The following ARMH3 variants were observed in gnomAD, a reference collection of about 807,000 sequenced individuals.
The protein encoded by ARMH3 is armadillo like helical domain containing 3.
In ARMH3, 60 loss-of-function variants were observed where a neutral mutation model predicts 99.1. The observed-to-expected ratio is 0.61, with a 90% CI of 0.49 to 0.75. The LOEUF (loss-of-function observed/expected upper bound fraction) is 0.75, where lower values mean the gene tolerates loss of function less well. ARMH3 is among the 30% of genes least tolerant of loss of function. ARMH3 has a pLI of 0.00. For synonymous variants in ARMH3, 285 were observed against 292.8 expected (o/e 0.97, Z 0.27); for missense variants, 679 against 843.1 (o/e 0.81, Z 2.41).
intron 16 of ARMH3, 150 bp from the exon 17 acceptor site, chr10:101,993,753 A>C: frequency 4.0e-6 from 2 of 494,004 alleles, no homozygotes; most frequent in Non-Finnish European, 7.1e-6. Flanking sequence ...CTTATGTCAA[A>C]CCCTACTTAA....
chr10:102,024,813 T>C (rs1211211148), intron 6 of ARMH3, among the ~76,000 whole-genome samples: 1 of 149,496 alleles, frequency 6.7e-6, no homozygotes, highest in Non-Finnish European at 1.5e-5. Context: ...AGCAAGACTC[T>C]GTCTCAAAAA....
intron 20 of ARMH3, among the ~76,000 whole-genome samples, chr10:101,960,931 C>T (rs1261211539): frequency 6.6e-6 from 1 of 150,704 alleles, no homozygotes; most frequent in African/African-American, 2.4e-5. Context: ...AATAAAGGTG[C>T]GAGATCAAGC....
intron 15 of ARMH3, among the ~76,000 whole-genome samples, chr10:101,999,827 G>A (rs2066308514): frequency 6.6e-6 from 1 of 152,160 alleles, no homozygotes; most frequent in Admixed American, 6.5e-5. Flanking sequence ...GCCCATACCT[G>A]TAATCCCGGC....
At chr10:101,988,105 T>C (rs1846595513) in intron 19 of ARMH3, among the ~76,000 whole-genome samples, 1 of 152,210 alleles carries the variant, frequency 6.6e-6, no homozygotes, top group Non-Finnish European at 1.5e-5. Flanking sequence ...ATGTTTGTTT[T>C]AAACCACTAC....
intron 23 of ARMH3, among the ~76,000 whole-genome samples, chr10:101,928,943 C>A (rs1590038356): frequency 6.6e-6 from 1 of 152,126 alleles, no homozygotes; most frequent in African/African-American, 2.4e-5. Flanking sequence ...GTTGGCCAGG[C>A]TGGTCTCAAA....
At position 102,039,237 on chromosome 10, in the gene ARMH3, C is replaced by T. The variant is rs534971976; in HGVS notation, c.102+776G>A. Among the ~76,000 whole-genome samples, 9 of 152,090 alleles carry T rather than the reference C, an allele frequency of 5.9e-5. No individual in the cohort carries two copies. The East Asian group carries it at 1.2e-3, about 20-fold the overall frequency. ...TCGGCTCACTGCAACCTCTGCCTCCCGGGTTCAAGTGATTCTTGTGCCTCA... is the reference window on the plus strand; with the variant it reads ...TCGGCTCACTGCAACCTCTGCCTCCTGGGTTCAAGTGATTCTTGTGCCTCA... On this transcript the variant is annotated intron_variant, in intron 2 of 25. Transcript: ENST00000370033.
At chr10:102,007,123 T>C (rs1329692751) in intron 13 of ARMH3, among the ~76,000 whole-genome samples, 2 of 123,672 alleles carry the variant, frequency 1.6e-5, no homozygotes, top group African/African-American at 6.2e-5. Context: ...ATCACGCCAC[T>C]GCACTCCAGC....
rs780248873 is a variant in ARMH3 at position 102,033,146 on chromosome 10, C to T, written c.186G>A (p.Lys62=). 5 of 1,614,080 alleles carry T rather than the reference C, an allele frequency of 3.1e-6. No individual in the cohort carries two copies. Among genetic ancestry groups the T allele is most frequent in the African/African-American group, 2.7e-5 (2 of 74,914 alleles). Residue 62 remains lysine, a synonymous_variant, in exon 4 of 26, where the codon AAG becomes AAA. Transcript: ENST00000370033. ...MKVNLEYLEG[K]LESLDGEELM... ...ACTCCTCACCATCAAGAGATTCCAGCTTGCCTTCTAGGTACTCTAAATTCA... is the reference window on the plus strand; with the variant it reads ...ACTCCTCACCATCAAGAGATTCCAGTTTGCCTTCTAGGTACTCTAAATTCA...
intron 23 of ARMH3, among the ~76,000 whole-genome samples, chr10:101,904,764 C>A (rs1258905024): frequency 6.6e-6 from 1 of 151,750 alleles, no homozygotes; most frequent in African/African-American, 2.4e-5. Flanking sequence ...CCAGCCTGGC[C>A]AACATGGTAA....
At position 101,945,403 on chromosome 10, in the gene ARMH3, G is replaced by T. The variant is rs565520066; in HGVS notation, c.1706-5465C>A. ...TCAAGACCAGCCTGGGCAACATGCC[G>T]AAATCCTGTCTCTACAAAAAATACA... On this transcript the variant is annotated intron_variant, in intron 22 of 25. Transcript: ENST00000370033. 2.6e-5 allele frequency among the ~76,000 whole-genome samples: 4 copies of T among 152,230 alleles called. No homozygotes were observed. The South Asian group carries it at 6.2e-4, about 24-fold the overall frequency.
At chr10:102,040,216 T>C (rs1473660404) in intron 1 of ARMH3, 91 bp from the exon 2 acceptor site, 1 of 1,081,090 alleles carries the variant, frequency 9.2e-7, no homozygotes, top group Non-Finnish European at 1.4e-6. Context: ...TCCAAGCCCA[T>C]AGAATATACA....
chr10:102,006,502 C>T lies in ARMH3; in HGVS notation c.1048+38G>A, dbSNP rs182479875. 32 of 1,575,492 alleles carry T rather than the reference C, an allele frequency of 2.0e-5. No homozygotes were observed. In the East Asian group the frequency reaches 7.2e-4, roughly 35 times the overall value. On this transcript the variant is annotated intron_variant, in intron 14 of 25. Transcript: ENST00000370033. ...ATGCTCACTCTGAGAGATCTAAGAT[C>T]ATATTAACCAAGAAAAACAAAGTGG...
At chr10:101,907,556 G>A (rs1842688690) in intron 23 of ARMH3, among the ~76,000 whole-genome samples, 1 of 151,796 alleles carries the variant, frequency 6.6e-6, no homozygotes, top group African/African-American at 2.4e-5. Flanking sequence ...TCATTTTTTT[G>A]TATTTTTAGT....
At chr10:101,895,570 C>A (rs571646684) in intron 23 of ARMH3, among the ~76,000 whole-genome samples, 1 of 152,118 alleles carries the variant, frequency 6.6e-6, no homozygotes, top group Non-Finnish European at 1.5e-5. Flanking sequence ...TGAGCCACTG[C>A]GCCCGGCCCT....
At chr10:101,971,706 CAA>C (rs1845779167) in intron 20 of ARMH3, among the ~76,000 whole-genome samples, 1 of 152,112 alleles carries the variant, frequency 6.6e-6, no homozygotes, top group Non-Finnish European at 1.5e-5. Flanking sequence ...AAACTATATG[CAA>C]AATATATATG....
chr10:102,043,731 CAT>C (rs1198296523), intron 1 of ARMH3, among the ~76,000 whole-genome samples: 3 of 152,142 alleles, frequency 2.0e-5, no homozygotes, highest in Admixed American at 6.5e-5. Flanking sequence ...AGACATAAGA[CAT>C]AGACAAATTA....
intron 19 of ARMH3, among the ~76,000 whole-genome samples, chr10:101,985,997 AAC>A (rs1339596522): frequency 6.6e-6 from 1 of 152,056 alleles, no homozygotes; most frequent in Non-Finnish European, 1.5e-5. Flanking sequence ...CAGCCTGGGC[AAC>A]ACAGAGACTC....
chr10:101,879,362 T>A (rs1180277233), intron 24 of ARMH3, among the ~76,000 whole-genome samples: 1 of 152,064 alleles, frequency 6.6e-6, no homozygotes, highest in Non-Finnish European at 1.5e-5. Context: ...AGAATTTTTT[T>A]TTTTTTTTTT....
chr10:101,847,309 C>T lies in ARMH3; in HGVS notation c.*219G>A. The T allele has an allele frequency of 3.9e-6, 2 of 509,008 alleles. No individual in the cohort carries two copies. The highest frequency in any genetic ancestry group is 7.1e-6 in the Non-Finnish European group (2 of 280,926). 31.5% of individuals were successfully genotyped at this position (509,008 alleles called of 1,614,324 possible). ...GTCCCCACATTCCTGGAGGCCTCTC[C>T]CCACTGTGCCCACCCATTCCTCCCC... On this transcript the variant is annotated 3_prime_UTR_variant, in exon 26 of 26. Transcript: ENST00000370033.
Sources: gnomAD v4.1 joint callset for allele counts (sites outside exome capture counted in the v4.1 genomes callset) on GRCh38, gnomAD v4.1.1 for gene constraint, MANE v1.5 for transcripts, NCBI Gene and HGNC (gene_info 2026-07-23, HGNC 2026-07-21) for gene names.